Variants in POMK observed in about 807,000 individuals in gnomAD.
POMK encodes the protein protein O-mannose kinase.
In POMK, 19 loss-of-function variants were observed where a neutral mutation model predicts 23.0. The observed-to-expected ratio is 0.83, with a 90% CI of 0.58 to 1.21. The LOEUF is 1.21. POMK is among the 50% of genes most tolerant of loss of function. POMK has a pLI of 0.00. For missense variants in POMK, 410 were observed against 431.3 expected, an observed-to-expected ratio of 0.95 and a Z score of 0.44; for synonymous variants, 173 against 171.6, an observed-to-expected ratio of 1.01 and a Z score of -0.06.
At chr8:43,105,361 G>C (rs1288605464) in intron 4 of POMK, among the ~76,000 whole-genome samples, 2 of 152,142 alleles carry the variant, frequency 1.3e-5, no homozygotes, top group African/African-American at 4.8e-5. Flanking sequence ...CCAGCCTCTA[G>C]AAAACTGTTA....
At chr8:43,104,847 C>T (rs554814900) in intron 4 of POMK, among the ~76,000 whole-genome samples, 124 of 152,064 alleles carry the variant, frequency 8.2e-4, no homozygotes, top group Middle Eastern at 3.4e-3. Context: ...GGGAGAATCT[C>T]TTGAGCCTGG....
intron 2 of POMK, among the ~76,000 whole-genome samples, chr8:43,101,788 G>A (rs1436955723): frequency 6.6e-6 from 1 of 152,162 alleles, no homozygotes; most frequent in Admixed American, 6.5e-5. Flanking sequence ...GAATTTCTAG[G>A]TAGTAAAAAA....
intron 4 of POMK, among the ~76,000 whole-genome samples, chr8:43,110,808 G>A (rs1811638937): frequency 6.6e-6 from 1 of 152,154 alleles, no homozygotes; most frequent in South Asian, 2.1e-4. Context: ...AAGCTACTCG[G>A]GAGGCTGAGG....
At chr8:43,103,875 C>G (rs775727817) in intron 4 of POMK, 45 bp downstream of exon 4, 12 of 1,586,294 alleles carry the variant, frequency 7.6e-6, no homozygotes, top group Non-Finnish European at 9.5e-6. Context: ...TGTTATTTCG[C>G]TTAACACAGT....
intron 4 of POMK, among the ~76,000 whole-genome samples, chr8:43,119,615 A>G (rs547317406): frequency 9.9e-5 from 15 of 151,944 alleles, no homozygotes; most frequent in Non-Finnish European, 1.5e-5. Flanking sequence ...TTGTATTTTT[A>G]GTAGAGATGG....
At chr8:43,112,063 C>T (rs1037292643) in intron 4 of POMK, among the ~76,000 whole-genome samples, 13 of 152,038 alleles carry the variant, frequency 8.6e-5, no homozygotes, top group Middle Eastern at 6.8e-3. Flanking sequence ...CAAAACTGGA[C>T]GGAGAATGAC....
At chr8:43,101,437 AGG>A (rs1387284758) in intron 2 of POMK, among the ~76,000 whole-genome samples, 1 of 150,710 alleles carries the variant, frequency 6.6e-6, no homozygotes, top group Non-Finnish European at 1.5e-5. Context: ...AAAAAAAAAA[AGG>A]AAGAAAATCA....
At chr8:43,115,225 C>T (rs1586677349) in intron 4 of POMK, among the ~76,000 whole-genome samples, 1 of 152,320 alleles carries the variant, frequency 6.6e-6, no homozygotes, top group East Asian at 1.9e-4. Context: ...TCTGCCTCCT[C>T]ATCCCTTCCA....
Position 43,109,973 on chromosome 8 carries a change from C to T in POMK, c.282+6143C>T, listed in dbSNP as rs185379429. On this transcript the variant is annotated intron_variant, in intron 4 of 4. Coordinates refer to ENST00000331373, the MANE Select transcript of POMK (RefSeq NM_032237.5). ...TCCAATTTATGGAAAAACTGCATAACGTGACTTAAACTTTAGCCAATATGT... is the reference window on the plus strand; with the variant it reads ...TCCAATTTATGGAAAAACTGCATAATGTGACTTAAACTTTAGCCAATATGT... 8.1e-4 allele frequency among the ~76,000 whole-genome samples: 124 copies of T among 152,292 alleles called. No individual in the cohort carries two copies. In the Middle Eastern group the frequency reaches 0.01, roughly 13 times the overall value.
Position 43,103,593 on chromosome 8 carries a change from A to G in POMK, c.45A>G (p.Arg15=), listed in dbSNP as rs1387597417. Residue 15 remains arginine, a synonymous_variant, in exon 4 of 5, where the codon CGA becomes CGG. Transcript: ENST00000331373. ...ACAGCAGGAGAGGCCTCGCCCCCCG[A>G]GAGGTGCCGCCAGCTGTTGGGCTGC... ...PQNSRRGLAP[R]EVPPAVGLLL... 6.2e-7 allele frequency: 1 copy of G among 1,614,044 alleles called. No homozygotes were observed. Among genetic ancestry groups the G allele is most frequent in the Non-Finnish European group, 8.5e-7 (1 of 1,180,030 alleles).
In POMK at chr8:43,122,543, T is replaced by C. The variant is rs1811942751; in HGVS notation, c.719T>C (p.Met240Thr). The change falls in exon 5 of 5, where the codon ATG (methionine) becomes ACG (threonine). Residue 240 changes from methionine (M) to threonine (T), a missense_variant. By Grantham distance (81) the Met-to-Thr change is moderately conservative. Coordinates refer to ENST00000331373, the MANE Select transcript of POMK (RefSeq NM_032237.5). ...ALPLVNHSSGMLVKCGHRELH... is the reference protein window; with the variant it reads ...ALPLVNHSSGTLVKCGHRELH... ...CCCCTGGTGAACCACAGCTCCGGGATGCTGGTGAAGTGCGGCCACAGGGAG... is the reference window on the plus strand; with the variant it reads ...CCCCTGGTGAACCACAGCTCCGGGACGCTGGTGAAGTGCGGCCACAGGGAG... 1 of 1,614,182 alleles carries C rather than the reference T, an allele frequency of 6.2e-7. No homozygotes were observed. Among genetic ancestry groups the C allele is most frequent in the Admixed American group, 1.7e-5 (1 of 60,014 alleles).
chr8:43,107,017 G>C (rs1333852726), intron 4 of POMK, among the ~76,000 whole-genome samples: 1 of 152,140 alleles, frequency 6.6e-6, no homozygotes, highest in East Asian at 1.9e-4. Flanking sequence ...GCCGGGCTGT[G>C]GTTCCAAGGC....
intron 4 of POMK, among the ~76,000 whole-genome samples, chr8:43,106,417 C>T (rs1303554130): frequency 6.6e-6 from 1 of 151,536 alleles, no homozygotes. Flanking sequence ...CAAATATTTT[C>T]TCCCATTATG....
intron 1 of POMK, among the ~76,000 whole-genome samples, chr8:43,094,003 C>T (rs1811279222): frequency 6.6e-6 from 1 of 152,212 alleles, no homozygotes; most frequent in Non-Finnish European, 1.5e-5. Context: ...TTGAACCCGG[C>T]GGGGGCGGAG....
intron 3 of POMK, among the ~76,000 whole-genome samples, 171 bp downstream of exon 3, chr8:43,102,771 C>T (rs1316990663): frequency 6.6e-6 from 1 of 152,224 alleles, no homozygotes; most frequent in East Asian, 1.9e-4. Context: ...ATCCACGGTC[C>T]TACTTCAGGC....
intron 2 of POMK, among the ~76,000 whole-genome samples, chr8:43,098,372 C>CA (rs769037553): frequency 3.3e-5 from 5 of 152,188 alleles, no homozygotes; most frequent in Non-Finnish European, 7.3e-5. Context: ...AATCTTACAG[C>CA]ATGTGGCCTT....
chr8:43,117,820 G>T (rs968202988), intron 4 of POMK, among the ~76,000 whole-genome samples: 1 of 152,238 alleles, frequency 6.6e-6, no homozygotes, highest in African/African-American at 2.4e-5. Context: ...ATCATGCGCT[G>T]CTGGTGAAAG....
intron 4 of POMK, among the ~76,000 whole-genome samples, chr8:43,109,164 C>T (rs961066296): frequency 4.6e-5 from 7 of 152,110 alleles, no homozygotes; most frequent in East Asian, 3.8e-4. Flanking sequence ...AAATACCAAA[C>T]GTTTAAAACA....
chr8:43,103,992 T>A (rs535321605), intron 4 of POMK, among the ~76,000 whole-genome samples, 162 bp downstream of exon 4: 1 of 152,264 alleles, frequency 6.6e-6, no homozygotes, highest in Non-Finnish European at 1.5e-5. Flanking sequence ...TGGTTGATTC[T>A]GTATCTTGGC....
Sources: allele counts gnomAD v4.1 joint callset (sites outside exome capture counted in the v4.1 genomes callset), GRCh38; gene constraint gnomAD v4.1.1; transcripts MANE v1.5; gene names NCBI Gene and HGNC (gene_info 2026-07-23, HGNC 2026-07-21).